Variants in EML1 observed in about 807,000 individuals in gnomAD.
EML1 encodes the protein echinoderm microtubule-associated protein-like 1.
A neutral mutation model predicts 110.4 loss-of-function variants in EML1; 27 were observed. The ratio of observed to expected loss-of-function variants is 0.24; its 90% CI spans 0.18 to 0.34. The LOEUF is 0.34. EML1 is among the 10% of genes least tolerant of loss of function. The probability of loss-of-function intolerance (pLI) is 1.00; values close to 1 mark genes in which losing one functional copy is unlikely to be tolerated. For synonymous variants in EML1, 344 were observed against 385.8 expected, an observed-to-expected ratio of 0.89 and a Z score of 1.27; for missense variants, 741 against 1,030.9, an observed-to-expected ratio of 0.72 and a Z score of 3.85.
rs141928245 is a variant in EML1 at position 99,817,462 on chromosome 14, G to T, written c.67+23919G>T. 6.7e-4 allele frequency among the ~76,000 whole-genome samples: 102 copies of T among 152,340 alleles called. 2 individuals carry two copies. The highest frequency in any genetic ancestry group is 2.1e-3 in the African/African-American group (89 of 41,582). ...CAGTGAAGAAGAGCACAGCGACGTG[G>T]TGCCTGTCCCGGCTGGTGCTGAGGC... On this transcript the variant is annotated intron_variant, in intron 1 of 21. Coordinates refer to ENST00000262233, the MANE Select transcript of EML1 (RefSeq NM_004434.3).
rs1482127295 is a variant in EML1, at chr14:99,781,552, A to T, written c.-27+7539A>T. Among the ~76,000 whole-genome samples the T allele has an allele frequency of 6.6e-6, 1 of 152,174 alleles. No homozygotes were observed. Among genetic ancestry groups the T allele is most frequent in the Non-Finnish European group, 1.5e-5 (1 of 68,030 alleles). On this transcript the variant is annotated intron_variant, in intron 1 of 22. Transcript: ENST00000327921. The surrounding 1 kb of genome is among the most constrained non-coding windows in gnomAD (Gnocchi z 4.2). ...CCAGGCTCACACCACCTCACCTGGA[A>T]CAGGTCCCACTAGTTTGTCTTCATG... is the stretch of plus-strand genomic sequence containing the variant.
chr14:99,745,579 A>G (rs1339686041), intron 1 of EML1, among the ~76,000 whole-genome samples: 1 of 152,190 alleles, frequency 6.6e-6, no homozygotes, highest in East Asian at 1.9e-4. Context: ...CAGTGAATCA[A>G]CTTGGATTGC....
chr14:99,795,025 C>T (rs1365485706), intron 1 of EML1, among the ~76,000 whole-genome samples: 1 of 152,154 alleles, frequency 6.6e-6, no homozygotes, highest in African/African-American at 2.4e-5. Context: ...AGAATTCTCC[C>T]TATGCTTAGT....
intron 1 of EML1, among the ~76,000 whole-genome samples, chr14:99,811,184 T>G (rs974741694): frequency 6.8e-5 from 10 of 147,596 alleles, no homozygotes; most frequent in Admixed American, 2.7e-4. Flanking sequence ...TTTGTTTTTT[T>G]GGGTTTTTGT....
intron 1 of EML1, among the ~76,000 whole-genome samples, chr14:99,763,927 T>A (rs1365890448): frequency 1.3e-5 from 2 of 151,818 alleles, no homozygotes; most frequent in African/African-American, 4.8e-5. Flanking sequence ...TTCTGAGAGG[T>A]TCATGACCTG....
At chr14:99,911,640 A>G (rs927451472) in intron 13 of EML1, 64 bp downstream of exon 13, 4 of 1,544,244 alleles carry the variant, frequency 2.6e-6, no homozygotes, top group Non-Finnish European at 3.5e-6. Flanking sequence ...TTTTTTTATT[A>G]GTTTGAAATC....
At chr14:99,755,559 T>C (rs2057240380) in intron 1 of EML1, among the ~76,000 whole-genome samples, 1 of 152,054 alleles carries the variant, frequency 6.6e-6, no homozygotes, top group Non-Finnish European at 1.5e-5. Context: ...AGGGGAGAGC[T>C]GGGGGCAAAG....
chr14:99,895,703 T>G (rs1283408605), intron 6 of EML1, among the ~76,000 whole-genome samples: 2 of 150,998 alleles, frequency 1.3e-5, no homozygotes, highest in African/African-American at 4.9e-5. Flanking sequence ...AAGTACTGAA[T>G]GAAGGGAGTC....
At chr14:99,809,592 A>T (rs1418007391) in intron 1 of EML1, 5 of 455,784 alleles carry the variant, frequency 1.1e-5, no homozygotes, top group Non-Finnish European at 2.2e-5. Context: ...TGTATGGCAG[A>T]TGCCTTGAGA....
At chr14:99,751,666 A>G (rs1389773651) in intron 1 of EML1, among the ~76,000 whole-genome samples, 3 of 152,156 alleles carry the variant, frequency 2.0e-5, no homozygotes, top group Non-Finnish European at 4.4e-5. Flanking sequence ...AGACCGGGCC[A>G]TGGAGCTTCT....
intron 1 of EML1, among the ~76,000 whole-genome samples, chr14:99,750,118 GAGGTAAGGGAGTACCACC>G (rs1453049248): frequency 6.6e-6 from 1 of 152,258 alleles, no homozygotes; most frequent in Non-Finnish European, 1.5e-5. Flanking sequence ...AGCCAGGCGG[GAGGTAAGGGAGTACCACC>G]AGCCTGTCAC....
chr14:99,923,603 G>T (rs11628630), intron 17 of EML1, among the ~76,000 whole-genome samples: 1 of 150,362 alleles, frequency 6.7e-6, no homozygotes, highest in African/African-American at 2.5e-5. Flanking sequence ...CAATCGATCA[G>T]AAATGTAAAG....
At chr14:99,898,417 C>G in intron 8 of EML1, 115 bp downstream of exon 8, 1 of 975,802 alleles carries the variant, frequency 1.0e-6, no homozygotes, top group Non-Finnish European at 1.5e-6. Flanking sequence ...TATCTGAAAA[C>G]TTCTGAACCC....
chr14:99,798,535 G>A (rs983636696), intron 1 of EML1, among the ~76,000 whole-genome samples: 4 of 152,018 alleles, frequency 2.6e-5, no homozygotes, highest in African/African-American at 9.7e-5. Flanking sequence ...TGGAATTACA[G>A]GCGTGTGCCA....
At chr14:99,887,149 T>C (rs905675289) in intron 4 of EML1, among the ~76,000 whole-genome samples, 4 of 152,204 alleles carry the variant, frequency 2.6e-5, no homozygotes, top group African/African-American at 9.7e-5. Context: ...CCCATACAGC[T>C]GCTGGTCTGG....
intron 1 of EML1, among the ~76,000 whole-genome samples, chr14:99,741,520 A>G (rs1043735129): frequency 3.3e-5 from 5 of 151,944 alleles, no homozygotes; most frequent in Non-Finnish European, 7.4e-5. Context: ...GAAGTCAAGG[A>G]TGGTTTTCCA....
At chr14:99,744,970 C>A (rs543025332) in intron 1 of EML1, among the ~76,000 whole-genome samples, 1 of 152,146 alleles carries the variant, frequency 6.6e-6, no homozygotes, top group Non-Finnish European at 1.5e-5. Context: ...ATGAGAAGAG[C>A]GTGTTTTCTT....
intron 1 of EML1, among the ~76,000 whole-genome samples, chr14:99,745,480 A>G (rs981182001): frequency 6.6e-5 from 10 of 152,268 alleles, no homozygotes; most frequent in Non-Finnish European, 1.5e-4. Flanking sequence ...GGCCACACAC[A>G]TCACACATTG....
chr14:99,850,901 C>T lies in EML1; in HGVS notation c.116C>T (p.Ala39Val), dbSNP rs1162964154. Reference sequence around the variant, plus strand: ...AGCATGGAGGTGACAGACCGCATTGCTTCACTGGAGCAGAGAGTCCAGATG... The same window carrying T: ...AGCATGGAGGTGACAGACCGCATTGTTTCACTGGAGCAGAGAGTCCAGATG... ...ASSMEVTDRIASLEQRVQMQE... is the reference protein window; with the variant it reads ...ASSMEVTDRIVSLEQRVQMQE... The change falls in exon 2 of 22, where the codon GCT becomes GTT. Residue 39 changes from alanine to valine, a missense_variant. Physicochemically the swap from Ala to Val is moderately conservative, Grantham distance 64. This residue lies in a region of EML1 where 226 missense variants were observed against 255.6 expected (regional missense o/e 0.88). Transcript: ENST00000262233. 6.2e-7 allele frequency: 1 copy of T among 1,614,072 alleles called. No homozygotes were observed. Among genetic ancestry groups the T allele is most frequent in the African/African-American group, 1.3e-5 (1 of 74,918 alleles).
Sources: allele counts gnomAD v4.1 joint callset (sites outside exome capture counted in the v4.1 genomes callset), GRCh38; gene constraint gnomAD v4.1.1; regional missense constraint gnomAD v4.1.1; non-coding constraint Gnocchi (gnomAD v3.1); transcripts MANE v1.5; gene names NCBI Gene and HGNC (gene_info 2026-07-23, HGNC 2026-07-21).